Variants in FCSK observed in about 807,000 individuals in gnomAD.
FCSK encodes the protein fucose kinase, also known as L-fucose kinase.
Under a neutral mutation model 122.5 loss-of-function variants are expected in FCSK, and 123 were observed. The observed-to-expected ratio is 1.00, with a 90% CI of 0.87 to 1.17. The LOEUF is 1.17. Among genes scored for constraint, FCSK ranks in the 50% most tolerant of loss-of-function variants. The probability of loss-of-function intolerance (pLI) is 0.00; values close to 1 mark genes in which losing one functional copy is unlikely to be tolerated. For missense variants in FCSK, 1,366 were observed against 1,450.4 expected, an observed-to-expected ratio of 0.94 and a Z score of 0.95; for synonymous variants, 620 against 625.5, an observed-to-expected ratio of 0.99 and a Z score of 0.13.
intron 1 of FCSK, among the ~76,000 whole-genome samples, chr16:70,455,478 A>C (rs190893277): frequency 1.4e-5 from 2 of 145,002 alleles, no homozygotes; most frequent in Admixed American, 1.4e-4. Flanking sequence ...GAGCGAGACT[A>C]CGTCTCAAAA....
intron 1 of FCSK, among the ~76,000 whole-genome samples, chr16:70,460,593 C>T (rs7188474): frequency 0.12 from 18,181 of 151,694 alleles, 3,599 homozygotes; most frequent in African/African-American, 0.41. Context: ...TTATTAGAGA[C>T]GGGGTTTCAC....
intron 10 of FCSK, 96 bp from the exon 11 acceptor site, chr16:70,470,218 C>A: frequency 1.3e-6 from 1 of 782,536 alleles, no homozygotes; most frequent in Non-Finnish European, 2.1e-6. Context: ...AGGCTCATGG[C>A]CACACCTGCC....
In FCSK at chr16:70,454,638, A is replaced by C. The variant is rs1186617866; in HGVS notation, c.-23+8A>C. 1 of 149,332 alleles carries C rather than the reference A, an allele frequency of 6.7e-6. No homozygotes were observed. The highest frequency in any genetic ancestry group is 2.4e-5 in the African/African-American group (1 of 41,002). The allele number at this position is 149,332 out of a possible 1,614,324, so 9.3% of individuals were successfully genotyped here. The stretch of plus-strand genomic sequence containing the variant: ...AGCGCCGGGCGACGGCAGGTACGTC[A>C]GTCCGCGAGGGTCGCCGCAGCGCCC... On this transcript the variant is annotated splice_region_variant and intron_variant, in intron 1 of 23. Transcript: ENST00000288078.
At chr16:70,465,221 C>T (rs765347276) in intron 4 of FCSK, 45 bp downstream of exon 4, 1 of 1,569,978 alleles carries the variant, frequency 6.4e-7, no homozygotes, top group African/African-American at 1.4e-5. Context: ...GCCAGAATCC[C>T]AGTTCGTGGA....
In FCSK at chr16:70,478,621, C is replaced by T; in HGVS notation, c.2900C>T (p.Thr967Ile). 1 of 1,613,778 alleles carries T rather than the reference C, an allele frequency of 6.2e-7. No homozygotes were observed. The highest frequency in any genetic ancestry group is 8.5e-7 in the Non-Finnish European group (1 of 1,180,026). Residue 967 changes from threonine (T) to isoleucine (I), a missense_variant, in exon 22 of 24, where the codon ACT becomes ATT. Thr to Ile is a moderately conservative substitution (Grantham distance 89, BLOSUM62 -1). Coordinates refer to ENST00000288078, the MANE Select transcript of FCSK (RefSeq NM_145059.3). ...VQNAHSLVRQ[T>I]EECAEGFRQG... ...AATGCCCACAGCCTGGTACGGCAAA[C>T]TGAGGAGTGTGCTGAAGGCTTCCGC...
rs770527523 is a variant in FCSK at position 70,475,733 on chromosome 16, C to T, written c.2607C>T (p.His869=). Residue 869 remains histidine (H), a synonymous_variant, in exon 20 of 24, where the codon CAC becomes CAT. Coordinates refer to ENST00000288078, the MANE Select transcript of FCSK (RefSeq NM_145059.3). ...TGGTGGGCACGGAAGCCCTGATCCA[C>T]GCAGTGCTGCACCTGGAGCAGGTGC... ...GRVVGTEALI[H]AVLHLEQVLT... is the part of the protein sequence containing the mutation. 10 of 1,602,306 alleles carry T rather than the reference C, an allele frequency of 6.2e-6. No individual in the cohort carries two copies. Among genetic ancestry groups the T allele is most frequent in the South Asian group, 4.4e-5 (4 of 90,014 alleles).
In FCSK at chr16:70,474,653, A is replaced by AAG; in HGVS notation, c.2114_2115insAG (p.Trp706GlyfsTer67). On this transcript the variant is annotated frameshift_variant, in exon 17 of 24. Coordinates refer to ENST00000288078, the MANE Select transcript of FCSK (RefSeq NM_145059.3). LOFTEE classifies it high-confidence loss of function. ...CAGGTGGAACTGCCGGGACCTGGGC[A>AAG]GTGGGTGGTGGCTGAGTGCCCGGCC... 30 of 1,600,910 alleles carry AAG rather than the reference A, an allele frequency of 1.9e-5. No homozygotes were observed. Among genetic ancestry groups the AAG allele is most frequent in the Non-Finnish European group, 2.6e-5 (30 of 1,174,272 alleles).
intron 1 of FCSK, chr16:70,462,182 G>C (rs976008668): frequency 4.6e-5 from 7 of 152,174 alleles, no homozygotes; most frequent in African/African-American, 9.7e-5. Flanking sequence ...GGGTCTTGCT[G>C]TGTCAGCCAG....
chr16:70,457,347 T>C (rs1176656543), intron 1 of FCSK, among the ~76,000 whole-genome samples: 2 of 151,492 alleles, frequency 1.3e-5, no homozygotes, highest in Non-Finnish European at 2.9e-5. Context: ...CTCCGTCTCC[T>C]GGGTTCAAGT....
At chr16:70,455,063 C>G (rs1327196210) in intron 1 of FCSK, 2 of 152,224 alleles carry the variant, frequency 1.3e-5, no homozygotes, top group African/African-American at 4.8e-5. Context: ...GGGTAATTTA[C>G]AAAACGATTT....
chr16:70,465,380 G>A (rs1416404561), intron 4 of FCSK, among the ~76,000 whole-genome samples: 5 of 152,190 alleles, frequency 3.3e-5, no homozygotes, highest in East Asian at 3.9e-4. Context: ...ATCTAGGGCC[G>A]GGCGCAGTGG....
intron 10 of FCSK, among the ~76,000 whole-genome samples, 168 bp downstream of exon 10, chr16:70,469,491 CT>C: frequency 6.6e-6 from 1 of 152,220 alleles, no homozygotes; most frequent in East Asian, 1.9e-4. Flanking sequence ...CCCTTCTTGT[CT>C]TCCTTTTGTC....
In FCSK at chr16:70,479,741, C is replaced by A; in HGVS notation, c.*61C>A. On this transcript the variant is annotated 3_prime_UTR_variant, in exon 24 of 24. Transcript: ENST00000288078. ...GCTACAGTGTCCCCCACCTTCCTTG[C>A]CCCATGGGAACCTCCACCTCCTACT... 1 of 1,366,120 alleles carries A rather than the reference C, an allele frequency of 7.3e-7. No homozygotes were observed. The highest frequency in any genetic ancestry group is 1.0e-6 in the Non-Finnish European group (1 of 974,780). 84.6% of individuals were successfully genotyped at this position (1,366,120 alleles called of 1,614,324 possible).
At position 70,473,214 on chromosome 16, in the gene FCSK, C is replaced by G. The variant is rs1249412234; in HGVS notation, c.1638C>G (p.Arg546=). ...ATCGGGCTGCCACGCTGGCCTCTCG[C>G]CGGGACCTGTTCTTCCGCCAGGCCC... ...CLDRAATLAS[R]RDLFFRQALH... Residue 546 remains arginine (R), a synonymous_variant, in exon 15 of 24, where the codon CGC becomes CGG. Coordinates refer to ENST00000288078, the MANE Select transcript of FCSK (RefSeq NM_145059.3). This position sits in a 1 kb window ranked among gnomAD's most constrained non-coding sequence, Gnocchi z 4.9. 1 of 1,536,344 alleles carries G rather than the reference C, an allele frequency of 6.5e-7. No individual in the cohort carries two copies. Among genetic ancestry groups the G allele is most frequent in the African/African-American group, 1.4e-5 (1 of 72,976 alleles).
Position 70,479,876 on chromosome 16 carries a change from T to G in FCSK, c.*196T>G. 1.9e-6 allele frequency: 1 copy of G among 539,866 alleles called. No individual in the cohort carries two copies. Among genetic ancestry groups the G allele is most frequent in the Non-Finnish European group, 3.3e-6 (1 of 302,186 alleles). The allele number at this position is 539,866 out of a possible 1,614,324, so 33.4% of individuals were successfully genotyped here. ...GTGACCTGGTGGACAGGGGCCTAGA[T>G]GTAGCCTCTGTTCCTCCTGGACATA... On this transcript the variant is annotated 3_prime_UTR_variant, in exon 24 of 24. Transcript: ENST00000288078.
Position 70,478,353 on chromosome 16 carries a change from T to C in FCSK, c.2723T>C (p.Val908Ala), listed in dbSNP as rs779516540. ...TCCCGGGCTCAGCTGCCACTGAAGGTGGAGGTAGAAGAGGTCACGGTGCCT... is the reference window on the plus strand; with the variant it reads ...TCCCGGGCTCAGCTGCCACTGAAGGCGGAGGTAGAAGAGGTCACGGTGCCT... ...GRSRAQLPLK[V>A]EVEEVTVPEG... The change falls in exon 21 of 24, where the codon GTG becomes GCG. Residue 908 changes from valine to alanine, a missense_variant. By Grantham distance (64) the Val-to-Ala change is moderately conservative. Coordinates refer to ENST00000288078, the MANE Select transcript of FCSK (RefSeq NM_145059.3). The C allele has an allele frequency of 6.2e-7, 1 of 1,614,032 alleles. No individual in the cohort carries two copies. Among genetic ancestry groups the C allele is most frequent in the Middle Eastern group, 1.6e-4 (1 of 6,062 alleles).
chr16:70,469,289 G>T lies in FCSK; in HGVS notation c.921G>T (p.Leu307=), dbSNP rs777886592. ...AGYLQSARAQ[L]WRELRDQPLT... is the part of the protein sequence containing the mutation. ...ATCTGCAGAGCGCCCGGGCCCAGCT[G>T]TGGAGGGAGCTTCGCGATCAGCCCC... Residue 307 remains leucine, a synonymous_variant, in exon 10 of 24, where the codon CTG becomes CTT. Transcript: ENST00000288078. 2.2e-5 allele frequency: 36 copies of T among 1,610,652 alleles called. No homozygotes were observed. The highest frequency in any genetic ancestry group is 5.3e-5 in the African/African-American group (4 of 74,904).
At chr16:70,478,782 GTC>G in intron 22 of FCSK, 132 bp downstream of exon 22, 1 of 773,738 alleles carries the variant, frequency 1.3e-6, no homozygotes, top group Non-Finnish European at 2.2e-6. Flanking sequence ...GAAGCCTACT[GTC>G]TGTCCTCTCC....
At chr16:70,471,763 T>C (rs1243970355) in intron 13 of FCSK, among the ~76,000 whole-genome samples, 3 of 151,132 alleles carry the variant, frequency 2.0e-5, no homozygotes, top group African/African-American at 7.3e-5. Context: ...CACGCCCAGC[T>C]TAGTAGAGAT....
Sources: gnomAD v4.1 joint callset for allele counts (sites outside exome capture counted in the v4.1 genomes callset) on GRCh38, gnomAD v4.1.1 for gene constraint, Gnocchi (gnomAD v3.1) non-coding constraint, MANE v1.5 for transcripts, NCBI Gene and HGNC (gene_info 2026-07-23, HGNC 2026-07-21) for gene names.